The following CNTN4 variants were observed in gnomAD, a reference collection of about 807,000 sequenced individuals.
CNTN4 encodes contactin 4.
In CNTN4, 77 loss-of-function variants were observed where a neutral mutation model predicts 122.5. The ratio of observed to expected loss-of-function variants is 0.63; its 90% CI spans 0.52 to 0.76. CNTN4 has a LOEUF of 0.76. Ranked by LOEUF, CNTN4 falls within the 30% of genes least tolerant of loss-of-function variation. CNTN4 has a pLI of 0.00. For synonymous variants in CNTN4, 512 were observed against 447.0 expected (o/e 1.15, Z -1.83); for missense variants, 1,256 against 1,259.1 (o/e 1.00, Z 0.04).
intron 7 of CNTN4, among the ~76,000 whole-genome samples, chr3:2,849,563 A>G (rs1188703032): frequency 6.6e-6 from 1 of 152,230 alleles, no homozygotes; most frequent in African/African-American, 2.4e-5. Flanking sequence ...CTAGGCAGTC[A>G]CTGATGGGAG....
At chr3:2,869,879 G>C (rs370489087) in intron 8 of CNTN4, among the ~76,000 whole-genome samples, 2 of 152,202 alleles carry the variant, frequency 1.3e-5, no homozygotes, top group East Asian at 3.9e-4. Flanking sequence ...AAAGCTATCA[G>C]TGCTATCTCT....
intron 3 of CNTN4, among the ~76,000 whole-genome samples, chr3:2,483,358 C>T (rs572491836): frequency 5.9e-5 from 9 of 152,238 alleles, no homozygotes; most frequent in South Asian, 2.1e-4. Context: ...AACTTGCTTT[C>T]GATTTTACCA....
intron 4 of CNTN4, among the ~76,000 whole-genome samples, chr3:2,615,133 A>T (rs13064095): frequency 1.3e-5 from 2 of 152,132 alleles, no homozygotes; most frequent in African/African-American, 4.8e-5. Context: ...GTTTTGGGTT[A>T]GCAATAAAAT....
chr3:3,007,574 T>C (rs1449074621), intron 14 of CNTN4, among the ~76,000 whole-genome samples: 1 of 152,240 alleles, frequency 6.6e-6, no homozygotes, highest in Non-Finnish European at 1.5e-5. Flanking sequence ...GAAATGAAGT[T>C]GCCTTTATTT....
intron 9 of CNTN4, among the ~76,000 whole-genome samples, chr3:2,883,565 A>G (rs921853862): frequency 1.5e-4 from 23 of 152,242 alleles, no homozygotes; most frequent in African/African-American, 4.8e-4. Flanking sequence ...CAGGAAAACA[A>G]TGGCCTCCAC....
In CNTN4 at chr3:3,000,880, C is replaced by CTT. The variant is rs59337830; in HGVS notation, c.1486+12423_1486+12424dup. Among the ~76,000 whole-genome samples the CTT allele has an allele frequency of 5.1e-3, 676 of 131,480 alleles. 4 individuals carry two copies. The highest frequency in any genetic ancestry group is 0.011 in the African/African-American group (389 of 36,888). The allele number at this position is 131,480 out of a possible 152,430, so 86.3% of individuals were successfully genotyped here. On this transcript the variant is annotated intron_variant, in intron 14 of 24. Transcript: ENST00000418658. Reference sequence around the variant, plus strand: ...CTTACTGTAGAGTCTTTCTTTCTTTCTTTTTTTTTTTTTTTTGCTTTCAAT... The same window carrying CTT: ...CTTACTGTAGAGTCTTTCTTTCTTTCTTTTTTTTTTTTTTTTTTGCTTTCAAT...
At chr3:2,365,778 C>G (rs986925070) in intron 3 of CNTN4, among the ~76,000 whole-genome samples, 13 of 152,114 alleles carry the variant, frequency 8.5e-5, no homozygotes, top group African/African-American at 2.9e-4. Flanking sequence ...AAGTCATCCA[C>G]ATATAGTGCT....
intron 2 of CNTN4, among the ~76,000 whole-genome samples, chr3:2,111,070 A>T (rs1382398221): frequency 6.6e-6 from 1 of 152,090 alleles, no homozygotes; most frequent in Non-Finnish European, 1.5e-5. Context: ...TTTCCAGCAC[A>T]TTTCAAGGTC....
At chr3:2,912,651 G>A (rs1253627338) in intron 12 of CNTN4, among the ~76,000 whole-genome samples, 2 of 152,188 alleles carry the variant, frequency 1.3e-5, no homozygotes, top group East Asian at 3.8e-4. Flanking sequence ...ATAAAAGGAG[G>A]TAATTTGTGT....
chr3:2,349,459 A>G (rs1227055384), intron 3 of CNTN4, among the ~76,000 whole-genome samples: 1 of 152,166 alleles, frequency 6.6e-6, no homozygotes, highest in Non-Finnish European at 1.5e-5. Context: ...AGAAGAACAC[A>G]ATGTAATTCC....
intron 2 of CNTN4, among the ~76,000 whole-genome samples, chr3:2,165,303 A>C (rs1301977714): frequency 6.6e-6 from 1 of 151,968 alleles, no homozygotes; most frequent in African/African-American, 2.4e-5. Context: ...AGCCTGGGTG[A>C]CAAGAGCAAG....
At chr3:2,733,946 A>C (rs1257431608) in intron 4 of CNTN4, among the ~76,000 whole-genome samples, 3 of 152,032 alleles carry the variant, frequency 2.0e-5, no homozygotes, top group African/African-American at 7.2e-5. Context: ...GAGTAAGGAG[A>C]GACAGTGGTA....
chr3:2,133,746 ATTG>A, intron 2 of CNTN4, among the ~76,000 whole-genome samples: 1 of 148,958 alleles, frequency 6.7e-6, no homozygotes, highest in East Asian at 2.0e-4. Flanking sequence ...TGCAACTTGA[ATTG>A]TTGTTAGGAA....
At chr3:2,198,680 G>A (rs1219454560) in intron 2 of CNTN4, among the ~76,000 whole-genome samples, 3 of 151,958 alleles carry the variant, frequency 2.0e-5, no homozygotes, top group Non-Finnish European at 4.4e-5. Flanking sequence ...CATCATCAGG[G>A]ACTTTCATAG....
intron 3 of CNTN4, among the ~76,000 whole-genome samples, chr3:2,412,441 CG>C (rs796783243): frequency 2.0e-5 from 3 of 151,846 alleles, no homozygotes; most frequent in African/African-American, 7.3e-5. Context: ...TTATTGGAGA[CG>C]GGGTTTCACT....
intron 2 of CNTN4, among the ~76,000 whole-genome samples, chr3:2,307,488 A>T (rs1034115532): frequency 4.0e-5 from 6 of 151,466 alleles, no homozygotes; most frequent in African/African-American, 1.5e-4. Flanking sequence ...TTTTGATCTC[A>T]CGGGAAAAGC....
In CNTN4 at chr3:2,824,186, C is replaced by T. The variant is rs546863136; in HGVS notation, c.454+4605C>T. 1.1e-3 allele frequency among the ~76,000 whole-genome samples: 159 copies of T among 150,576 alleles called. 2 individuals carry two copies. Among genetic ancestry groups the T allele is most frequent in the African/African-American group, 3.8e-3 (155 of 40,986 alleles). On this transcript the variant is annotated intron_variant, in intron 7 of 24. Transcript: ENST00000418658. Reference sequence around the variant, plus strand: ...AAAAAAAAAAAAAACAGGCCAGGCGCGGTGACTCACACCTGTAATCCCAGC... The same window carrying T: ...AAAAAAAAAAAAAACAGGCCAGGCGTGGTGACTCACACCTGTAATCCCAGC...
At chr3:2,679,659 G>C (rs2085063459) in intron 4 of CNTN4, among the ~76,000 whole-genome samples, 1 of 152,176 alleles carries the variant, frequency 6.6e-6, no homozygotes, top group African/African-American at 2.4e-5. Flanking sequence ...TGAGAAGCGA[G>C]ATCCAGTGGC....
chr3:2,592,944 G>A (rs1411280901), intron 4 of CNTN4, among the ~76,000 whole-genome samples: 1 of 152,146 alleles, frequency 6.6e-6, no homozygotes, highest in African/African-American at 2.4e-5. Flanking sequence ...TGTACTGAGG[G>A]TTTCTAATCA....
Sources: gnomAD v4.1 joint callset for allele counts (sites outside exome capture counted in the v4.1 genomes callset) on GRCh38, gnomAD v4.1.1 for gene constraint, MANE v1.5 for transcripts, NCBI Gene and HGNC (gene_info 2026-07-23, HGNC 2026-07-21) for gene names.